INTS7: variants seen among roughly 807,000 people sequenced by gnomAD.
The protein encoded by INTS7 is chromosome 1 open reading frame 73.
Under a neutral mutation model 109.2 loss-of-function variants are expected in INTS7, and 46 were observed. The ratio of observed to expected loss-of-function variants is 0.42; its 90% CI spans 0.33 to 0.54. INTS7 has a LOEUF of 0.54. Ranked by LOEUF, INTS7 falls within the 20% of genes least tolerant of loss-of-function variation. INTS7 has a pLI of 0.07. For synonymous variants in INTS7, 412 were observed against 402.9 expected (o/e 1.02, Z -0.27); for missense variants, 929 against 1,132.4 (o/e 0.82, Z 2.58).
Position 211,942,049 on chromosome 1 carries a change from G to A in INTS7, c.2664C>T (p.Phe888=). The A allele has an allele frequency of 6.2e-7, 1 of 1,614,122 alleles. No individual in the cohort carries two copies. The highest frequency in any genetic ancestry group is 8.5e-7 in the Non-Finnish European group (1 of 1,179,984). ...EQRVEPHNDY[F]STQFLLNFAI... ...CAAAGTTCAACAGAAATTGAGTACT[G>A]AAGTAATCATTATGAGGTTCAACCC... is the stretch of plus-strand genomic sequence containing the variant. Residue 888 remains phenylalanine, a synonymous_variant, in exon 20 of 20, where the codon TTC becomes TTT. Coordinates refer to ENST00000366994, the MANE Select transcript of INTS7 (RefSeq NM_015434.4). This position sits in a 1 kb window ranked among gnomAD's most constrained non-coding sequence, Gnocchi z 4.2.
At chr1:212,026,675 T>C (rs930675933) in intron 1 of INTS7, among the ~76,000 whole-genome samples, 1 of 152,152 alleles carries the variant, frequency 6.6e-6, no homozygotes, top group African/African-American at 2.4e-5. Context: ...GGAACAGAGA[T>C]GTGTGCTTAC....
chr1:212,016,785 T>C, intron 4 of INTS7, 101 bp downstream of exon 4: 1 of 890,066 alleles, frequency 1.1e-6, no homozygotes. Context: ...ATTTACACTT[T>C]CCTGTATCTC....
intron 8 of INTS7, among the ~76,000 whole-genome samples, chr1:211,983,154 C>T (rs1664737163): frequency 6.6e-6 from 1 of 152,056 alleles, no homozygotes; most frequent in Admixed American, 6.6e-5. Context: ...GGCCTCTTGT[C>T]AGACAAAACC....
chr1:212,018,104 C>T (rs922021927), intron 3 of INTS7, among the ~76,000 whole-genome samples: 4 of 152,118 alleles, frequency 2.6e-5, no homozygotes, highest in Admixed American at 1.3e-4. Context: ...TATGGCAAAC[C>T]TCCTAAGGCC....
At chr1:211,966,805 G>T (rs1663901786) in intron 15 of INTS7, among the ~76,000 whole-genome samples, 1 of 151,984 alleles carries the variant, frequency 6.6e-6, no homozygotes, top group Non-Finnish European at 1.5e-5. Flanking sequence ...AGATATAGGG[G>T]TTTTTCATAA....
At chr1:212,025,383 T>C (rs1025467339) in intron 1 of INTS7, among the ~76,000 whole-genome samples, 1 of 152,056 alleles carries the variant, frequency 6.6e-6, no homozygotes, top group Non-Finnish European at 1.5e-5. Flanking sequence ...GTAAAGGAAA[T>C]ATTCTATGTC....
chr1:211,974,878 T>A (rs1367737329), intron 13 of INTS7, among the ~76,000 whole-genome samples: 3 of 152,192 alleles, frequency 2.0e-5, no homozygotes, highest in Admixed American at 2.0e-4. Flanking sequence ...GCACACAGGC[T>A]GGAATCTTAG....
chr1:212,001,361 C>T (rs1309192151), intron 7 of INTS7, among the ~76,000 whole-genome samples: 1 of 152,110 alleles, frequency 6.6e-6, no homozygotes, highest in East Asian at 1.9e-4. Context: ...CAGAATTCCT[C>T]TTAAAACGTT....
In INTS7 at chr1:212,020,281, G is replaced by A. The variant is rs775003042; in HGVS notation, c.225-13C>T. On this transcript the variant is annotated splice_polypyrimidine_tract_variant and intron_variant, in intron 2 of 19. Transcript: ENST00000366994. ...CAGGAAATTATTTCTAGAAAAACCAGAAATAAATTAGGTCACTTTAGAAAG... is the reference window on the plus strand; with the variant it reads ...CAGGAAATTATTTCTAGAAAAACCAAAAATAAATTAGGTCACTTTAGAAAG... The A allele has an allele frequency of 5.3e-6, 8 of 1,503,196 alleles. No individual in the cohort carries two copies. The highest frequency in any genetic ancestry group is 6.3e-6 in the Non-Finnish European group (7 of 1,107,034). The allele number at this position is 1,503,196 out of a possible 1,614,324, so 93.1% of individuals were successfully genotyped here.
intron 19 of INTS7, among the ~76,000 whole-genome samples, chr1:211,943,699 GTAAT>G (rs1410446947): frequency 6.6e-6 from 1 of 152,140 alleles, no homozygotes; most frequent in Non-Finnish European, 1.5e-5. Flanking sequence ...GCTTAAGAAA[GTAAT>G]AATAGTTTAG....
intron 1 of INTS7, 36 bp from the exon 2 acceptor site, chr1:212,021,248 G>A (rs1426026728): frequency 6.4e-7 from 1 of 1,561,538 alleles, no homozygotes; most frequent in Non-Finnish European, 8.6e-7. Context: ...GGGAAGAACA[G>A]TTTGCATATT....
chr1:211,944,576 G>A (rs1314647489), intron 19 of INTS7, among the ~76,000 whole-genome samples: 1 of 152,176 alleles, frequency 6.6e-6, no homozygotes, highest in African/African-American at 2.4e-5. Flanking sequence ...TCTTTGCCTG[G>A]ATGCTTTGTC....
intron 19 of INTS7, among the ~76,000 whole-genome samples, chr1:211,944,300 C>G (rs1662755373): frequency 6.6e-6 from 1 of 152,092 alleles, no homozygotes; most frequent in African/African-American, 2.4e-5. Flanking sequence ...ACTGACCTAG[C>G]AGGGAGGAGG....
chr1:211,942,225 G>T lies in INTS7; in HGVS notation c.2602-114C>A. On this transcript the variant is annotated intron_variant, in intron 19 of 19. Transcript: ENST00000366994. The surrounding 1 kb of genome is among the most constrained non-coding windows in gnomAD (Gnocchi z 4.2). ...AGACCATGCAGACAATAAAAAATTA[G>T]GTACTGCTATCATCCTTGCTTCACC... 9.0e-7 allele frequency: 1 copy of T among 1,114,772 alleles called. No homozygotes were observed. Among genetic ancestry groups the T allele is most frequent in the Non-Finnish European group, 1.3e-6 (1 of 773,312 alleles). The allele number at this position is 1,114,772 out of a possible 1,614,324, so 69.1% of individuals were successfully genotyped here.
At chr1:212,006,206 A>C (rs552048232) in intron 7 of INTS7, among the ~76,000 whole-genome samples, 11 of 152,346 alleles carry the variant, frequency 7.2e-5, no homozygotes, top group Admixed American at 4.6e-4. Context: ...TTACAAAAGA[A>C]GACTTAGGAA....
chr1:211,980,773 A>AAGATGATTTCTGTAAC (rs1664627304), intron 10 of INTS7, among the ~76,000 whole-genome samples: 1 of 152,130 alleles, frequency 6.6e-6, no homozygotes, highest in Admixed American at 6.6e-5. Context: ...GCATATCTCT[A>AAGATGATTTCTGTAAC]AGATGATTTC....
At chr1:211,977,021 G>T (rs1664450630) in intron 11 of INTS7, among the ~76,000 whole-genome samples, 1 of 152,076 alleles carries the variant, frequency 6.6e-6, no homozygotes. Context: ...TACCAACATA[G>T]ATGACAAGCA....
chr1:211,966,349 C>CA, intron 16 of INTS7, 81 bp downstream of exon 16: 1 of 822,294 alleles, frequency 1.2e-6, no homozygotes, highest in Non-Finnish European at 2.0e-6. Context: ...GTACTAGCTC[C>CA]AAAATAGTCT....
intron 3 of INTS7, among the ~76,000 whole-genome samples, chr1:212,019,843 T>C (rs1013501116): frequency 1.3e-4 from 20 of 152,344 alleles, no homozygotes; most frequent in African/African-American, 4.1e-4. Flanking sequence ...CTAAGCTATA[T>C]TGAGATCCAC....
Sources: gnomAD v4.1 joint callset for allele counts (sites outside exome capture counted in the v4.1 genomes callset) on GRCh38, gnomAD v4.1.1 for gene constraint, Gnocchi (gnomAD v3.1) non-coding constraint, MANE v1.5 for transcripts, NCBI Gene and HGNC (gene_info 2026-07-23, HGNC 2026-07-21) for gene names.